SEMA3D: variants seen among roughly 807,000 people sequenced by gnomAD.
The protein encoded by SEMA3D is semaphorin 3D.
A neutral mutation model predicts 100.1 loss-of-function variants in SEMA3D; 84 were observed. That is an observed-to-expected ratio of 0.84 (90% CI 0.70 to 1.01). The LOEUF is 1.01. SEMA3D is among the 50% of genes least tolerant of loss of function. The pLI, the probability that SEMA3D is intolerant of heterozygous loss-of-function variation, is 0.00. For missense variants in SEMA3D, 875 were observed against 934.1 expected, an observed-to-expected ratio of 0.94 and a Z score of 0.82; for synonymous variants, 312 against 320.7, an observed-to-expected ratio of 0.97 and a Z score of 0.29.
intron 5 of SEMA3D, among the ~76,000 whole-genome samples, chr7:85,078,528 C>T (rs1464110230): frequency 2.0e-5 from 3 of 152,094 alleles, no homozygotes; most frequent in Non-Finnish European, 4.4e-5. Context: ...GTTTAACCCA[C>T]AATTATATAG....
In SEMA3D at chr7:85,081,568, A is replaced by G. The variant is rs1788066481; in HGVS notation, c.324T>C (p.Pro108=). 1 of 1,611,168 alleles carries G rather than the reference A, an allele frequency of 6.2e-7. No homozygotes were observed. Among genetic ancestry groups the G allele is most frequent in the East Asian group, 2.2e-5 (1 of 44,784 alleles). ...LNKNFKKIYW[P]AAKERVELCK... The stretch of plus-strand genomic sequence containing the variant: ...ATAATTCCACCCGTTCCTTTGCAGC[A>G]GGCCAATAAATCTGCAAAACATTTC... The change falls in exon 5 of 19, where the codon CCT becomes CCC. Residue 108 remains proline, a synonymous_variant. Coordinates refer to ENST00000284136, the MANE Select transcript of SEMA3D (RefSeq NM_001384900.1).
intron 16 of SEMA3D, among the ~76,000 whole-genome samples, chr7:85,013,808 G>A (rs1430517375): frequency 6.6e-6 from 1 of 151,738 alleles, no homozygotes; most frequent in African/African-American, 2.4e-5. Context: ...AAAAAATTAT[G>A]ATGGTATAAG....
rs532520069 is a variant in SEMA3D at position 84,999,949 on chromosome 7, A to G, written c.1909-84T>C. 39 of 1,042,490 alleles carry G rather than the reference A, an allele frequency of 3.7e-5. No individual in the cohort carries two copies. In the South Asian group the frequency reaches 6.1e-4, roughly 16 times the overall value. 64.6% of individuals were successfully genotyped at this position (1,042,490 alleles called of 1,614,324 possible). ...GAAAACAGGCTACATAGTTTTACTT[A>G]GATGAATATGAAAGACATATTCATT... On this transcript the variant is annotated intron_variant, in intron 18 of 18. Transcript: ENST00000284136.
intron 1 of SEMA3D, among the ~76,000 whole-genome samples, chr7:85,157,041 A>G (rs2116506283): frequency 6.6e-6 from 1 of 152,300 alleles, no homozygotes; most frequent in Admixed American, 6.5e-5. Flanking sequence ...CACTGTGCAG[A>G]GTCTGACGTG....
At chr7:85,185,143 G>A (rs1055804500) in intron 1 of SEMA3D, among the ~76,000 whole-genome samples, 3 of 152,146 alleles carry the variant, frequency 2.0e-5, no homozygotes, top group Non-Finnish European at 4.4e-5. Context: ...GATGACATGT[G>A]GCTCTCTCCC....
intron 4 of SEMA3D, among the ~76,000 whole-genome samples, chr7:85,097,190 T>C (rs974414741): frequency 1.3e-5 from 2 of 151,858 alleles, no homozygotes; most frequent in Non-Finnish European, 1.5e-5. Context: ...ATGTAGGACA[T>C]AGTAGTAATT....
chr7:85,245,569 G>C, the SEMA3D span, among the ~76,000 whole-genome samples: 1 of 151,944 alleles, frequency 6.6e-6, no homozygotes, highest in African/African-American at 2.4e-5. Flanking sequence ...TATACCCTTT[G>C]GTTTCCCATC....
intron 2 of SEMA3D, among the ~76,000 whole-genome samples, chr7:85,134,744 T>C (rs752495485): frequency 1.6e-4 from 25 of 152,166 alleles, no homozygotes; most frequent in Non-Finnish European, 2.9e-4. Flanking sequence ...TCATCTTTGC[T>C]TCACCAGCCC....
chr7:85,172,096 C>A (rs1178880898), intron 1 of SEMA3D, among the ~76,000 whole-genome samples: 1 of 151,900 alleles, frequency 6.6e-6, no homozygotes, highest in Admixed American at 6.6e-5. Context: ...AAACATTTTA[C>A]AGCAATTTAT....
At chr7:85,126,729 C>A (rs1789582010) in intron 2 of SEMA3D, among the ~76,000 whole-genome samples, 1 of 151,746 alleles carries the variant, frequency 6.6e-6, no homozygotes. Context: ...CTGTGGACAG[C>A]ACAACAAAGA....
chr7:85,122,377 T>A (rs1266987205), intron 2 of SEMA3D, among the ~76,000 whole-genome samples: 2 of 152,178 alleles, frequency 1.3e-5, no homozygotes, highest in African/African-American at 4.8e-5. Context: ...AACTGGGGAA[T>A]AAAATTAAGG....
At chr7:85,178,086 T>G (rs1791288876) in intron 1 of SEMA3D, among the ~76,000 whole-genome samples, 2 of 152,198 alleles carry the variant, frequency 1.3e-5, no homozygotes, top group Admixed American at 1.3e-4. Context: ...AGGACAGGTT[T>G]GCTTCCCCTT....
At chr7:85,157,724 TCTC>T (rs1790638807) in intron 1 of SEMA3D, 1 of 687,204 alleles carries the variant, frequency 1.5e-6, no homozygotes, top group South Asian at 6.6e-5. Context: ...GTGTAGCTCT[TCTC>T]CTCAACAACA....
intron 3 of SEMA3D, among the ~76,000 whole-genome samples, chr7:85,101,983 G>A (rs1038031595): frequency 6.6e-6 from 1 of 151,964 alleles, no homozygotes; most frequent in Non-Finnish European, 1.5e-5. Context: ...ATATTTATAA[G>A]CATTTAGTGT....
chr7:85,064,812 GT>G (rs1791571309), intron 8 of SEMA3D, among the ~76,000 whole-genome samples: 1 of 152,038 alleles, frequency 6.6e-6, no homozygotes, highest in South Asian at 2.1e-4. Context: ...ATATTCTTAT[GT>G]TTTTTAAAAA....
Position 85,164,323 on chromosome 7 carries a change from C to A in SEMA3D, c.-172-10584G>T, listed in dbSNP as rs1790833198. On this transcript the variant is annotated intron_variant, in intron 1 of 18. Transcript: ENST00000284136. ...CTAGTTGTTATTGTTTGTTTTAACC[C>A]AAACCTATCTCTATCTGTATGTATC... Among the ~76,000 whole-genome samples the A allele has an allele frequency of 1.3e-5, 2 of 152,036 alleles. 1 individual carries two copies. The highest frequency in any genetic ancestry group is 4.1e-4 in the South Asian group (2 of 4,830).
At chr7:85,235,443 C>A in the SEMA3D span, among the ~76,000 whole-genome samples, 14 of 152,028 alleles carry the variant, frequency 9.2e-5, no homozygotes, top group South Asian at 2.1e-4. Context: ...CAAAAAAGAT[C>A]ATTAGTTTGC....
At chr7:85,078,060 TAA>T (rs1787935910) in intron 5 of SEMA3D, among the ~76,000 whole-genome samples, 1 of 151,956 alleles carries the variant, frequency 6.6e-6, no homozygotes, top group Non-Finnish European at 1.5e-5. Context: ...TAAAAAAAAA[TAA>T]GTGTTTTAAG....
At chr7:85,065,125 G>T (rs955177714) in intron 8 of SEMA3D, among the ~76,000 whole-genome samples, 1 of 152,048 alleles carries the variant, frequency 6.6e-6, no homozygotes, top group Non-Finnish European at 1.5e-5. Context: ...TAGCATAATA[G>T]TTTATGCGTA....
Sources: allele counts gnomAD v4.1 joint callset (sites outside exome capture counted in the v4.1 genomes callset), GRCh38; gene constraint gnomAD v4.1.1; transcripts MANE v1.5; gene names NCBI Gene and HGNC (gene_info 2026-07-23, HGNC 2026-07-21).